KYAT3: variants seen among roughly 807,000 people sequenced by gnomAD.
KYAT3 encodes kynurenine--oxoglutarate transaminase 3.
KYAT3 carries 50 observed loss-of-function variants against 59.0 expected under a neutral mutation model. The observed-to-expected ratio is 0.85, with a 90% CI of 0.68 to 1.07. The LOEUF (loss-of-function observed/expected upper bound fraction) is 1.07. Ranked by LOEUF, KYAT3 falls within the 50% of genes least tolerant of loss-of-function variation. KYAT3 has a pLI of 0.00. For missense variants in KYAT3, 497 were observed against 533.3 expected (o/e 0.93, Z 0.67); for synonymous variants, 148 against 177.0 (o/e 0.84, Z 1.30).
intron 4 of KYAT3, among the ~76,000 whole-genome samples, chr1:88,967,997 G>C (rs1271313129): frequency 1.3e-5 from 2 of 152,108 alleles, no homozygotes; most frequent in South Asian, 4.1e-4. Flanking sequence ...TCTCACCAGT[G>C]TCAAACCCTG....
At chr1:88,978,234 G>C (rs1331657480) in intron 2 of KYAT3, among the ~76,000 whole-genome samples, 3 of 152,110 alleles carry the variant, frequency 2.0e-5, no homozygotes, top group Non-Finnish European at 2.9e-5. Flanking sequence ...ATCTTAAAAA[G>C]AAACTGTTAT....
At chr1:88,954,168 G>C (rs1675808502) in intron 9 of KYAT3, among the ~76,000 whole-genome samples, 1 of 152,184 alleles carries the variant, frequency 6.6e-6, no homozygotes, top group African/African-American at 2.4e-5. Context: ...AAAGTGCTGG[G>C]ATTACAGGCG....
At chr1:88,981,079 A>G (rs1677063745) in intron 2 of KYAT3, 1 of 152,338 alleles carries the variant, frequency 6.6e-6, no homozygotes, top group Middle Eastern at 3.4e-3. Flanking sequence ...CAAAGCAATA[A>G]ACTAAAACTT....
At chr1:88,929,051 G>A in the KYAT3 span, among the ~76,000 whole-genome samples, 1 of 152,042 alleles carries the variant, frequency 6.6e-6, no homozygotes, top group Non-Finnish European at 1.5e-5. Context: ...GTCTGGGCAA[G>A]AGAAGGACAA....
downstream of KYAT3, among the ~76,000 whole-genome samples, chr1:88,935,148 C>T (rs1674987220): frequency 6.6e-6 from 1 of 150,768 alleles, no homozygotes; most frequent in Admixed American, 6.6e-5. Context: ...AATACGCCAC[C>T]ACGCCCAGCC....
At chr1:88,990,612 C>T (rs1246929856) in intron 1 of KYAT3, among the ~76,000 whole-genome samples, 1 of 152,156 alleles carries the variant, frequency 6.6e-6, no homozygotes, top group Non-Finnish European at 1.5e-5. Context: ...TCCCACAATC[C>T]GCCATTGAAT....
chr1:88,932,321 GATTA>G (rs974644590), downstream of KYAT3, among the ~76,000 whole-genome samples: 12 of 152,086 alleles, frequency 7.9e-5, no homozygotes, highest in Non-Finnish European at 1.5e-4. Flanking sequence ...ACTATTGATT[GATTA>G]GACTATTGAT....
chr1:88,961,623 A>G (rs1482262132), intron 6 of KYAT3, 117 bp from the exon 7 acceptor site: 2 of 851,816 alleles, frequency 2.3e-6, no homozygotes, highest in Non-Finnish European at 3.6e-6. Context: ...AGGAAACTGA[A>G]TAAATTACCA....
chr1:88,932,407 T>C (rs112688715), downstream of KYAT3, among the ~76,000 whole-genome samples: 495 of 152,288 alleles, frequency 3.3e-3, 2 homozygotes, highest in African/African-American at 0.012. Context: ...TGGTAGACTA[T>C]TGATAGATTA....
rs7513592 is a variant in KYAT3 at position 88,961,568 on chromosome 1, C to T, written c.541-62G>A. ...TAAGTCATGTTTACTGTCTTACAAACGAATAACCTAATAAGGAAAAAAACA... is the reference window on the plus strand; with the variant it reads ...TAAGTCATGTTTACTGTCTTACAAATGAATAACCTAATAAGGAAAAAAACA... On this transcript the variant is annotated intron_variant, in intron 6 of 13. Coordinates refer to ENST00000260508, the MANE Select transcript of KYAT3 (RefSeq NM_001008661.3). 9,342 of 1,406,950 alleles carry T rather than the reference C, an allele frequency of 6.6e-3. 428 individuals are homozygous for T. The African/African-American group carries it at 0.11, about 16-fold the overall frequency. 87.2% of individuals were successfully genotyped at this position (1,406,950 alleles called of 1,614,324 possible).
rs559228982 is a variant in KYAT3 at position 88,954,297 on chromosome 1, G to A, written c.864+852C>T. Among the ~76,000 whole-genome samples, 5 of 152,336 alleles carry A rather than the reference G, an allele frequency of 3.3e-5. No individual in the cohort carries two copies. The East Asian group carries it at 9.6e-4, about 29-fold the overall frequency. ...TTGTAATAAATAATACAGTGGTTAA[G>A]TGCATGAATTCTGGAGCCAGACTTC... On this transcript the variant is annotated intron_variant, in intron 9 of 13. Transcript: ENST00000260508.
At chr1:88,931,029 C>T (rs531343584), downstream of KYAT3, among the ~76,000 whole-genome samples, 66 of 152,260 alleles carry the variant, frequency 4.3e-4, 1 homozygote, top group South Asian at 7.0e-3. Context: ...TGGGGAACCT[C>T]ATGAGGACAT....
chr1:88,935,219 T>A (rs1467153590), downstream of KYAT3, among the ~76,000 whole-genome samples: 1 of 151,160 alleles, frequency 6.6e-6, no homozygotes, highest in Non-Finnish European at 1.5e-5. Context: ...GCCAGCCTGG[T>A]CTCAAACTCC....
At chr1:88,984,462 T>C (rs1293347249) in intron 2 of KYAT3, among the ~76,000 whole-genome samples, 1 of 152,210 alleles carries the variant, frequency 6.6e-6, no homozygotes, top group African/African-American at 2.4e-5. Flanking sequence ...TCCGCCTGCC[T>C]CGGCCTCCCA....
the KYAT3 span, among the ~76,000 whole-genome samples, chr1:88,929,955 T>C: frequency 3.3e-5 from 5 of 152,308 alleles, no homozygotes; most frequent in South Asian, 2.1e-4. Flanking sequence ...AGATGGACAC[T>C]TGAAGCAGAA....
chr1:88,956,519 A>C (rs1265672782), intron 8 of KYAT3, among the ~76,000 whole-genome samples: 1 of 152,218 alleles, frequency 6.6e-6, no homozygotes, highest in Non-Finnish European at 1.5e-5. Flanking sequence ...AATTCTTCAA[A>C]AAATTTAATG....
chr1:88,927,897 G>A, the KYAT3 span, among the ~76,000 whole-genome samples: 1 of 152,128 alleles, frequency 6.6e-6, no homozygotes, highest in Non-Finnish European at 1.5e-5. Flanking sequence ...ACTGCAGCCC[G>A]AGAGTTTGGT....
chr1:88,931,791 A>T (rs772348260), downstream of KYAT3, among the ~76,000 whole-genome samples: 4 of 141,822 alleles, frequency 2.8e-5, no homozygotes, highest in Non-Finnish European at 4.6e-5. Flanking sequence ...AATGATCGGG[A>T]TGTAAACCCA....
chr1:88,927,822 T>C, the KYAT3 span, among the ~76,000 whole-genome samples: 1 of 152,198 alleles, frequency 6.6e-6, no homozygotes, highest in Non-Finnish European at 1.5e-5. Flanking sequence ...TCCTTTGATT[T>C]GACATGGAGA....
Sources: allele counts gnomAD v4.1 joint callset (sites outside exome capture counted in the v4.1 genomes callset), GRCh38; gene constraint gnomAD v4.1.1; transcripts MANE v1.5; gene names NCBI Gene and HGNC (gene_info 2026-07-23, HGNC 2026-07-21).